The following COL13A1 variants were observed in gnomAD, a reference collection of about 807,000 sequenced individuals.
COL13A1 encodes collagen alpha-1(XIII) chain.
Under a neutral mutation model 130.9 loss-of-function variants are expected in COL13A1, and 89 were observed. The observed-to-expected ratio is 0.68, with a 90% CI of 0.57 to 0.81. The LOEUF (loss-of-function observed/expected upper bound fraction) is 0.81, where lower values mean the gene tolerates loss of function less well. COL13A1 is among the 30% of genes least tolerant of loss of function. COL13A1 has a pLI of 0.00. For missense variants in COL13A1, 879 were observed against 934.6 expected, an observed-to-expected ratio of 0.94 and a Z score of 0.78; for synonymous variants, 402 against 341.6, an observed-to-expected ratio of 1.18 and a Z score of -1.95.
At position 69,928,993 on chromosome 10, in the gene COL13A1, C is replaced by T. The variant is rs1413225591; in HGVS notation, c.1479C>T (p.Gly493=). The T allele has an allele frequency of 1.9e-6, 3 of 1,612,828 alleles. No individual in the cohort carries two copies. The highest frequency in any genetic ancestry group is 4.5e-5 in the East Asian group (2 of 44,866). The part of the protein sequence containing the change: ...IGPPGAPGIP[G]QKGEIGLPGP... ...CACCTGGAGCTCCAGGGATTCCAGG[C>T]CAGAAGGTAAATCTTATCTTGACAA... The change falls in exon 28 of 41, where the codon GGC becomes GGT. Residue 493 remains glycine, a synonymous_variant. Coordinates refer to ENST00000645393, the MANE Select transcript of COL13A1 (RefSeq NM_001368882.1).
chr10:69,852,102 T>C (rs2763348), intron 2 of COL13A1, among the ~76,000 whole-genome samples: 115,403 of 151,978 alleles, frequency 0.76, 44,334 homozygotes, highest in East Asian at 0.93. Context: ...CCTTGGACTC[T>C]CTCGTGCCGC....
At chr10:69,843,489 T>A (rs1214057098) in intron 2 of COL13A1, among the ~76,000 whole-genome samples, 1 of 152,186 alleles carries the variant, frequency 6.6e-6, no homozygotes, top group African/African-American at 2.4e-5. Context: ...TAAATAAAAT[T>A]TAAAATGCAA....
At chr10:69,862,190 G>C (rs1018100751) in intron 2 of COL13A1, among the ~76,000 whole-genome samples, 36 of 152,106 alleles carry the variant, frequency 2.4e-4, no homozygotes, top group Non-Finnish European at 4.6e-4. Flanking sequence ...TGCTAATGGT[G>C]GGCTGTTCTG....
intron 4 of COL13A1, among the ~76,000 whole-genome samples, chr10:69,872,789 C>T (rs556361642): frequency 1.3e-5 from 2 of 152,276 alleles, no homozygotes; most frequent in South Asian, 4.1e-4. Flanking sequence ...TTGTTCAATA[C>T]CTCAGTGAAA....
intron 7 of COL13A1, among the ~76,000 whole-genome samples, chr10:69,885,465 G>A (rs777350052): frequency 1.3e-5 from 2 of 152,122 alleles, no homozygotes; most frequent in Non-Finnish European, 2.9e-5. Flanking sequence ...CCTTTCCCAG[G>A]CCCAGCCCCT....
At chr10:69,876,284 C>CA (rs1297901239) in intron 5 of COL13A1, among the ~76,000 whole-genome samples, 7 of 152,188 alleles carry the variant, frequency 4.6e-5, no homozygotes, top group Admixed American at 1.3e-4. Flanking sequence ...AATCTGAACT[C>CA]AGACAGCCCA....
intron 2 of COL13A1, among the ~76,000 whole-genome samples, chr10:69,855,810 C>G (rs1253450551): frequency 4.9e-5 from 1 of 20,564 alleles, no homozygotes; most frequent in Non-Finnish European, 1.4e-4. Flanking sequence ...GATGCAAGCA[C>G]ACTTGTCATT....
At chr10:69,945,648 T>C (rs562593452) in intron 36 of COL13A1, 23 bp from the exon 37 acceptor site, 11 of 1,610,458 alleles carry the variant, frequency 6.8e-6, no homozygotes, top group Non-Finnish European at 9.3e-6. Context: ...GCAGGATTCA[T>C]GCATTTCTTT....
intron 1 of COL13A1, among the ~76,000 whole-genome samples, chr10:69,819,542 G>A (rs1458719518): frequency 2.0e-5 from 3 of 152,166 alleles, no homozygotes; most frequent in Non-Finnish European, 4.4e-5. Context: ...TGAGGCAGAG[G>A]GGCCAGGTCT....
intron 1 of COL13A1, among the ~76,000 whole-genome samples, chr10:69,813,993 G>A (rs1263520808): frequency 1.3e-5 from 2 of 152,212 alleles, no homozygotes; most frequent in African/African-American, 4.8e-5. Flanking sequence ...CTAAAAGTAA[G>A]TAATTCGGTT....
chr10:69,918,299 T>C lies in COL13A1; in HGVS notation c.981T>C (p.Ile327=). ...GKHGAKGAPG[I]AVAGMKGEPG... ...CTCTCTGCCAGGGGGCGCCCGGAAT[T>C]GCCGTGGCTGGGATGAAGGTCAGTG... Residue 327 remains isoleucine (I), a synonymous_variant, in exon 19 of 41, where the codon ATT becomes ATC. Transcript: ENST00000645393. 6.2e-7 allele frequency: 1 copy of C among 1,613,116 alleles called. No homozygotes were observed. The highest frequency in any genetic ancestry group is 1.1e-5 in the South Asian group (1 of 91,032).
intron 1 of COL13A1, among the ~76,000 whole-genome samples, chr10:69,806,284 T>C (rs1187894700): frequency 2.0e-5 from 3 of 151,474 alleles, no homozygotes; most frequent in Non-Finnish European, 2.9e-5. Context: ...GGCCTGGGGG[T>C]GGGACTCCCA....
intron 30 of COL13A1, among the ~76,000 whole-genome samples, chr10:69,931,425 C>A (rs531381403): frequency 6.6e-6 from 1 of 152,318 alleles, no homozygotes; most frequent in Admixed American, 6.5e-5. Flanking sequence ...TAACAAGCAG[C>A]TACTTCATTT....
chr10:69,898,093 G>A (rs560755535), intron 13 of COL13A1, among the ~76,000 whole-genome samples: 3 of 152,218 alleles, frequency 2.0e-5, no homozygotes, highest in East Asian at 1.9e-4. Flanking sequence ...CTCAAACCCC[G>A]GGGAACTGGG....
chr10:69,928,133 C>T (rs2065624184), intron 27 of COL13A1, among the ~76,000 whole-genome samples: 1 of 152,146 alleles, frequency 6.6e-6, no homozygotes, highest in Admixed American at 6.5e-5. Context: ...GCCTGGGTGA[C>T]AGAGTGAGAC....
intron 2 of COL13A1, among the ~76,000 whole-genome samples, chr10:69,861,433 C>T (rs1191732548): frequency 6.6e-6 from 1 of 152,140 alleles, no homozygotes. Flanking sequence ...CTCGTACATT[C>T]CAGTCTCTCT....
intron 1 of COL13A1, among the ~76,000 whole-genome samples, chr10:69,813,398 G>A (rs7088833): frequency 0.26 from 39,530 of 152,102 alleles, 5,403 homozygotes; most frequent in African/African-American, 0.32. Context: ...AGCTCACATA[G>A]GGGTATGTGC....
intron 2 of COL13A1, among the ~76,000 whole-genome samples, chr10:69,846,415 C>T (rs537459556): frequency 1.5e-4 from 23 of 152,190 alleles, no homozygotes; most frequent in African/African-American, 5.3e-4. Flanking sequence ...GACAGGCTGA[C>T]GGGGAGGCCA....
intron 2 of COL13A1, among the ~76,000 whole-genome samples, chr10:69,848,145 G>T (rs2133428816): frequency 6.6e-6 from 1 of 152,334 alleles, no homozygotes; most frequent in African/African-American, 2.4e-5. Context: ...AGGGGCTCTG[G>T]GGGAGGGGTC....
Sources: gnomAD v4.1 joint callset for allele counts (sites outside exome capture counted in the v4.1 genomes callset) on GRCh38, gnomAD v4.1.1 for gene constraint, MANE v1.5 for transcripts, NCBI Gene and HGNC (gene_info 2026-07-23, HGNC 2026-07-21) for gene names.